Variants in TET1 observed in about 807,000 individuals in gnomAD.
TET1 encodes the protein methylcytosine dioxygenase TET1.
In TET1, 13 loss-of-function variants were observed where a neutral mutation model predicts 148.7. The ratio of observed to expected loss-of-function variants is 0.09; its 90% confidence interval spans 0.06 to 0.14. The LOEUF (loss-of-function observed/expected upper bound fraction) is 0.14, where lower values mean the gene tolerates loss of function less well. Among genes scored for constraint, TET1 ranks in the 10% least tolerant of loss-of-function variants. The probability of loss-of-function intolerance (pLI) is 1.00; values close to 1 mark genes in which losing one functional copy is unlikely to be tolerated. For missense variants in TET1, 2,182 were observed against 2,553.8 expected (o/e 0.85, Z 3.14); for synonymous variants, 907 against 937.2 (o/e 0.97, Z 0.59).
intron 3 of TET1, among the ~76,000 whole-genome samples, chr10:68,605,019 G>A (rs2054104164): frequency 6.6e-6 from 1 of 152,224 alleles, no homozygotes; most frequent in Admixed American, 6.5e-5. Context: ...ATTTGGAAGA[G>A]CTGGGTGAAC....
chr10:68,675,867 T>C (rs918845962), intron 8 of TET1, among the ~76,000 whole-genome samples: 8 of 152,106 alleles, frequency 5.3e-5, no homozygotes, highest in Admixed American at 4.6e-4. Context: ...TTGTTGTTGT[T>C]GTCTTGAGAT....
intron 3 of TET1, among the ~76,000 whole-genome samples, chr10:68,641,682 T>C (rs905488357): frequency 1.4e-4 from 21 of 151,738 alleles, no homozygotes; most frequent in African/African-American, 5.1e-4. Flanking sequence ...TTTTGTATTT[T>C]GGTAGAGACA....
Position 68,645,892 on chromosome 10 carries a change from A to C in TET1, c.3163A>C (p.Ser1055Arg). The change falls in exon 4 of 12, where the codon AGC (serine) becomes CGC (arginine). Residue 1055 changes from serine to arginine, a missense_variant. Physicochemically the swap from Ser to Arg is moderately radical, Grantham distance 110. Around this residue, in one of 11 missense-constraint regions of TET1, gnomAD observed 582 missense variants for 599.5 expected, o/e 0.97. Coordinates refer to ENST00000373644, the MANE Select transcript of TET1 (RefSeq NM_030625.3). ...VEYCNQLLDS[S>R]KKLDSDDLSC... ...GTATTGCAACCAGTTACTGGACAGC[A>C]GCAAAAAATTGGACTCAGATGATCT... The C allele has an allele frequency of 1.2e-6, 2 of 1,614,136 alleles. No individual in the cohort carries two copies. Among genetic ancestry groups the C allele is most frequent in the South Asian group, 1.1e-5 (1 of 91,078 alleles).
intron 2 of TET1, among the ~76,000 whole-genome samples, chr10:68,592,803 C>G (rs1237326272): frequency 1.3e-5 from 2 of 152,106 alleles, no homozygotes; most frequent in African/African-American, 2.4e-5. Flanking sequence ...TACTATATAC[C>G]TCCTGGGCTC....
At chr10:68,613,197 T>C (rs1564968254) in intron 3 of TET1, among the ~76,000 whole-genome samples, 1 of 152,242 alleles carries the variant, frequency 6.6e-6, no homozygotes, top group Non-Finnish European at 1.5e-5. Flanking sequence ...TCAAGATACA[T>C]ATTTAATACA....
At chr10:68,631,433 C>CTTTTTTTTTTTTTTTTTTTTTT (rs546257824) in intron 3 of TET1, among the ~76,000 whole-genome samples, 1 of 110,588 alleles carries the variant, frequency 9.0e-6, no homozygotes. Flanking sequence ...TTTCTTTCTT[C>CTTTTTTTTTTTTTTTTTTTTTT]TTTTTTTTTT....
chr10:68,608,632 T>G (rs1275135220), intron 3 of TET1, among the ~76,000 whole-genome samples: 2 of 152,094 alleles, frequency 1.3e-5, no homozygotes, highest in African/African-American at 2.4e-5. Flanking sequence ...CCTCCGGGGT[T>G]CAAGTGATTC....
intron 2 of TET1, among the ~76,000 whole-genome samples, chr10:68,585,457 T>A (rs2053850557): frequency 6.6e-6 from 1 of 152,122 alleles, no homozygotes; most frequent in Admixed American, 6.6e-5. Flanking sequence ...ACGAATTTGA[T>A]CCTAGTTTAA....
At chr10:68,612,800 T>C (rs1446733095) in intron 3 of TET1, among the ~76,000 whole-genome samples, 3 of 152,000 alleles carry the variant, frequency 2.0e-5, no homozygotes, top group Admixed American at 1.3e-4. Flanking sequence ...GTGTTTTTCA[T>C]AGAGACGGGT....
intron 3 of TET1, among the ~76,000 whole-genome samples, chr10:68,643,183 G>A (rs78071088): frequency 0.013 from 1,993 of 148,204 alleles, 61 homozygotes; most frequent in African/African-American, 0.046. Flanking sequence ...GATCATCTAA[G>A]CCTGGGAGGT....
intron 2 of TET1, among the ~76,000 whole-genome samples, chr10:68,583,035 T>A (rs950377124): frequency 6.6e-6 from 1 of 152,246 alleles, no homozygotes; most frequent in African/African-American, 2.4e-5. Flanking sequence ...AATCTTACCC[T>A]GTCATTTCGT....
intron 3 of TET1, among the ~76,000 whole-genome samples, chr10:68,611,511 G>A (rs144109796): frequency 8.5e-4 from 129 of 151,620 alleles, no homozygotes; most frequent in African/African-American, 3.0e-3. Flanking sequence ...AGTGGGTTGG[G>A]CATAGTGGCT....
Position 68,591,382 on chromosome 10 carries a change from A to AT in TET1, c.1915-9598dup, listed in dbSNP as rs2053917358. ...CAGCCATTAAGCAGTGTCCTCGAACATAGCTGTTGTTCTGTATTCTATTTC... is the reference window on the plus strand; with the variant it reads ...CAGCCATTAAGCAGTGTCCTCGAACATTAGCTGTTGTTCTGTATTCTATTTC... On this transcript the variant is annotated intron_variant, in intron 2 of 11. Coordinates refer to ENST00000373644, the MANE Select transcript of TET1 (RefSeq NM_030625.3). 3.3e-5 allele frequency among the ~76,000 whole-genome samples: 5 copies of AT among 152,076 alleles called. No homozygotes were observed. In the South Asian group the frequency reaches 1.0e-3, roughly 31 times the overall value.
rs748343586 is a variant in TET1 at position 68,691,058 on chromosome 10, G to C, written c.5655G>C (p.Ser1885=). ...RSSTPHCTMP[S]GRLSGANAAA... ...GCACTCCCCACTGTACGATGCCTTCGGGAAGACTCAGTGGTGCCAATGCAG... is the reference window on the plus strand; with the variant it reads ...GCACTCCCCACTGTACGATGCCTTCCGGAAGACTCAGTGGTGCCAATGCAG... Residue 1885 remains serine, a synonymous_variant, in exon 12 of 12, where the codon TCG becomes TCC. Coordinates refer to ENST00000373644, the MANE Select transcript of TET1 (RefSeq NM_030625.3). The surrounding 1 kb of genome is among the most constrained non-coding windows in gnomAD (Gnocchi z 4.4). The C allele has an allele frequency of 1.2e-6, 2 of 1,614,180 alleles. No individual in the cohort carries two copies. The highest frequency in any genetic ancestry group is 3.3e-5 in the Admixed American group (2 of 60,026).
intron 1 of TET1, among the ~76,000 whole-genome samples, chr10:68,564,582 T>G (rs2053587256): frequency 6.6e-6 from 1 of 152,210 alleles, no homozygotes; most frequent in Admixed American, 6.5e-5. Flanking sequence ...CACAGGATGG[T>G]GTCCATTAAT....
intron 3 of TET1, among the ~76,000 whole-genome samples, chr10:68,641,686 A>G (rs1214855488): frequency 1.3e-5 from 2 of 151,658 alleles, no homozygotes; most frequent in Non-Finnish European, 2.9e-5. Context: ...GTATTTTGGT[A>G]GAGACAGGGT....
rs766665330 is a variant in TET1, at chr10:68,572,939, A to T, written c.601A>T (p.Ile201Phe). The T allele has an allele frequency of 6.2e-7, 1 of 1,614,128 alleles. No individual in the cohort carries two copies. The highest frequency in any genetic ancestry group is 8.5e-7 in the Non-Finnish European group (1 of 1,180,026). Reference sequence around the variant, plus strand: ...GTCCCAAAGAGTTGAGGATTCCAAGATCAATATCCCTACCCACAGTGGCCC... The same window carrying T: ...GTCCCAAAGAGTTGAGGATTCCAAGTTCAATATCCCTACCCACAGTGGCCC... ...FWSQRVEDSK[I>F]NIPTHSGPAA... Residue 201 changes from isoleucine to phenylalanine, a missense_variant, in exon 2 of 12, where the codon ATC becomes TTC. Ile to Phe is a conservative substitution (Grantham distance 21). Around this residue, in one of 11 missense-constraint regions of TET1, gnomAD observed 665 missense variants for 672.4 expected, o/e 0.99. Coordinates refer to ENST00000373644, the MANE Select transcript of TET1 (RefSeq NM_030625.3).
intron 6 of TET1, among the ~76,000 whole-genome samples, chr10:68,653,890 A>C (rs1410610322): frequency 6.6e-6 from 1 of 151,984 alleles, no homozygotes; most frequent in Non-Finnish European, 1.5e-5. Context: ...GCAGATCACC[A>C]GAGGTCAGGA....
At chr10:68,634,310 G>T (rs1048852902) in intron 3 of TET1, among the ~76,000 whole-genome samples, 2 of 152,184 alleles carry the variant, frequency 1.3e-5, no homozygotes, top group African/African-American at 2.4e-5. Flanking sequence ...GAAGAGCAAT[G>T]CTATACTCCT....
Sources: gnomAD v4.1 joint callset for allele counts (sites outside exome capture counted in the v4.1 genomes callset) on GRCh38, gnomAD v4.1.1 for gene constraint, gnomAD v4.1.1 regional missense constraint, Gnocchi (gnomAD v3.1) non-coding constraint, MANE v1.5 for transcripts, NCBI Gene and HGNC (gene_info 2026-07-23, HGNC 2026-07-21) for gene names.